The following TTYH1 variants were observed in gnomAD, a reference collection of about 807,000 sequenced individuals.
TTYH1 encodes the protein tweety family member 1.
A neutral mutation model predicts 61.2 loss-of-function variants in TTYH1; 33 were observed. That is an observed-to-expected ratio of 0.54 (90% CI 0.41 to 0.72). TTYH1 has a LOEUF of 0.72. Ranked by LOEUF, TTYH1 falls within the 30% of genes least tolerant of loss-of-function variation. The probability of loss-of-function intolerance (pLI) is 0.00; values close to 1 mark genes in which losing one functional copy is unlikely to be tolerated. For missense variants in TTYH1, 538 were observed against 575.8 expected (o/e 0.93, Z 0.67); for synonymous variants, 308 against 266.4 (o/e 1.16, Z -1.52).
intron 7 of TTYH1, among the ~76,000 whole-genome samples, 157 bp from the exon 8 acceptor site, chr19:54,430,393 G>A (rs1165018885): frequency 6.6e-6 from 1 of 152,208 alleles, no homozygotes; most frequent in East Asian, 1.9e-4. Context: ...GAGCAGAAGG[G>A]ACGCGGGGCT....
chr19:54,417,235 C>T (rs1203741062), intron 1 of TTYH1, among the ~76,000 whole-genome samples: 3 of 150,600 alleles, frequency 2.0e-5, no homozygotes, highest in Non-Finnish European at 4.4e-5. Context: ...TTCCAACACA[C>T]TCACATGCAC....
In TTYH1 at chr19:54,420,141, A is replaced by C. The variant is rs1452695048; in HGVS notation, c.305+835A>C. ...CTTAGGGGGCTTCCAATGTGAACAC[A>C]CCAGCTACCAAGAACGAGCTCTGAG... On this transcript the variant is annotated intron_variant, in intron 2 of 13. Transcript: ENST00000376530. This position sits in a 1 kb window ranked among gnomAD's most constrained non-coding sequence, Gnocchi z 4.8. Among the ~76,000 whole-genome samples the C allele has an allele frequency of 1.3e-5, 2 of 152,130 alleles. No individual in the cohort carries two copies. The highest frequency in any genetic ancestry group is 4.8e-5 in the African/African-American group (2 of 41,424).
chr19:54,420,933 A>C lies in TTYH1; in HGVS notation c.306-344A>C, dbSNP rs1049429745. On this transcript the variant is annotated intron_variant, in intron 2 of 13. Transcript: ENST00000376530. The surrounding 1 kb of genome is among the most constrained non-coding windows in gnomAD (Gnocchi z 4.8). ...TGCGGGGGAAGGGTGTGGGGCAGGC[A>C]GTCCTAGGGAGGGGAAGACGGCCCA... 7.2e-5 allele frequency: 27 copies of C among 372,788 alleles called. No individual in the cohort carries two copies. The highest frequency in any genetic ancestry group is 1.3e-4 in the Non-Finnish European group (25 of 186,812). The allele number at this position is 372,788 out of a possible 1,614,324, so 23.1% of individuals were successfully genotyped here.
Position 54,428,234 on chromosome 19 carries a change from C to T in TTYH1, c.735-1073C>T, listed in dbSNP as rs185696190. The stretch of plus-strand genomic sequence containing the variant: ...CCTCCCAAGTAGCTGGGATTACAGG[C>T]GTATGCCACCAAACCTGTCTAATTT... On this transcript the variant is annotated intron_variant, in intron 5 of 13. Coordinates refer to ENST00000376530, the MANE Select transcript of TTYH1 (RefSeq NM_020659.4). Among the ~76,000 whole-genome samples, 75 of 151,844 alleles carry T rather than the reference C, an allele frequency of 4.9e-4. No homozygotes were observed. In the East Asian group the frequency reaches 8.7e-3, roughly 18 times the overall value.
In TTYH1 at chr19:54,419,965, T is replaced by C. The variant is rs1457692377; in HGVS notation, c.305+659T>C. Reference sequence around the variant, plus strand: ...CTGGTCTAATTCCTTCTCACAATAATGCTGCTGGATTCAGGGGTGTCAGGC... The same window carrying C: ...CTGGTCTAATTCCTTCTCACAATAACGCTGCTGGATTCAGGGGTGTCAGGC... On this transcript the variant is annotated intron_variant, in intron 2 of 13. Coordinates refer to ENST00000376530, the MANE Select transcript of TTYH1 (RefSeq NM_020659.4). This position sits in a 1 kb window ranked among gnomAD's most constrained non-coding sequence, Gnocchi z 6.1. 6.6e-6 allele frequency among the ~76,000 whole-genome samples: 1 copy of C among 152,108 alleles called. No homozygotes were observed. The highest frequency in any genetic ancestry group is 1.5e-5 in the Non-Finnish European group (1 of 68,008).
Position 54,417,513 on chromosome 19 carries a change from C to A in TTYH1, c.127-1615C>A, listed in dbSNP as rs991773578. ...ACATGCATACACTCACATGGATATA[C>A]CCACTTACACATACACAATCACACA... On this transcript the variant is annotated intron_variant, in intron 1 of 13. Coordinates refer to ENST00000376530, the MANE Select transcript of TTYH1 (RefSeq NM_020659.4). Among the ~76,000 whole-genome samples, 5 of 151,950 alleles carry A rather than the reference C, an allele frequency of 3.3e-5. No homozygotes were observed. The South Asian group carries it at 8.3e-4, about 25-fold the overall frequency.
intron 1 of TTYH1, among the ~76,000 whole-genome samples, chr19:54,417,170 T>G (rs1213369069): frequency 6.6e-6 from 1 of 151,326 alleles, no homozygotes; most frequent in Non-Finnish European, 1.5e-5. Context: ...CTTACTCCCA[T>G]TACACACTCA....
chr19:54,428,687 A>G (rs545194434), intron 5 of TTYH1, among the ~76,000 whole-genome samples: 1 of 152,236 alleles, frequency 6.6e-6, no homozygotes, highest in Non-Finnish European at 1.5e-5. Flanking sequence ...GGTGAGGCAG[A>G]GTTGAACCTG....
At chr19:54,427,790 G>C (rs1343095332) in intron 5 of TTYH1, among the ~76,000 whole-genome samples, 2 of 152,106 alleles carry the variant, frequency 1.3e-5, no homozygotes, top group Admixed American at 1.3e-4. Context: ...CTTAAGTGTC[G>C]TGGCAAAGCC....
rs2083168859 is a variant in TTYH1 at position 54,419,781 on chromosome 19, C to T, written c.305+475C>T. ...TCTGTCATTCCGTCATTCACCAGCT[C>T]ATTCATTCGACAACTGTTTATTGAG... On this transcript the variant is annotated intron_variant, in intron 2 of 13. Transcript: ENST00000376530. The surrounding 1 kb of genome is among the most constrained non-coding windows in gnomAD (Gnocchi z 6.1). 1.3e-5 allele frequency among the ~76,000 whole-genome samples: 2 copies of T among 152,172 alleles called. No individual in the cohort carries two copies. The highest frequency in any genetic ancestry group is 2.9e-5 in the Non-Finnish European group (2 of 68,040).
At chr19:54,430,023 C>A in intron 7 of TTYH1, 66 bp downstream of exon 7, 1 of 1,418,668 alleles carries the variant, frequency 7.0e-7, no homozygotes, top group Non-Finnish European at 9.9e-7. Context: ...CCTCAGGCCT[C>A]CTCTGTGCCC....
chr19:54,418,830 G>A (rs911460631), intron 1 of TTYH1: 14 of 352,694 alleles, frequency 4.0e-5, no homozygotes, highest in African/African-American at 1.9e-4. Context: ...ACCCAGGCTC[G>A]GAGAAGGGGC....
At chr19:54,428,644 G>A (rs148556470) in intron 5 of TTYH1, among the ~76,000 whole-genome samples, 49 of 152,302 alleles carry the variant, frequency 3.2e-4, no homozygotes, top group East Asian at 2.1e-3. Context: ...ATTCTCATTG[G>A]AGGAGTCCCT....
intron 11 of TTYH1, 26 bp from the exon 12 acceptor site, chr19:54,435,802 C>G (rs558370131): frequency 6.2e-7 from 1 of 1,613,952 alleles, no homozygotes; most frequent in Admixed American, 1.7e-5. Context: ...TCCCGCCTCT[C>G]TGCCATGCCC....
rs2083083655 is a variant in TTYH1, at chr19:54,416,666, G to A, written c.126+988G>A. ...AGGGGGTCCCAGAAAAGCGCGGAGG[G>A]GATGAGTGCTGTGTTCTGAGCTATT... On this transcript the variant is annotated intron_variant, in intron 1 of 13. Coordinates refer to ENST00000376530, the MANE Select transcript of TTYH1 (RefSeq NM_020659.4). This position sits in a 1 kb window ranked among gnomAD's most constrained non-coding sequence, Gnocchi z 7.0. The A allele has an allele frequency of 2.9e-5, 30 of 1,039,352 alleles. No homozygotes were observed. The South Asian group carries it at 3.9e-4, about 14-fold the overall frequency. The allele number at this position is 1,039,352 out of a possible 1,614,324, so 64.4% of individuals were successfully genotyped here.
chr19:54,430,712 A>T, intron 8 of TTYH1, 101 bp from the exon 9 acceptor site: 1 of 1,578,354 alleles, frequency 6.3e-7, no homozygotes, highest in Non-Finnish European at 8.7e-7. Context: ...GGTTCCGGGG[A>T]GGATGCAGGC....
rs1314247842 is a variant in TTYH1 at position 54,415,695 on chromosome 19, G to A, written c.126+17G>A. 5 of 1,532,636 alleles carry A rather than the reference G, an allele frequency of 3.3e-6. No homozygotes were observed. Among genetic ancestry groups the A allele is most frequent in the African/African-American group, 1.4e-5 (1 of 72,684 alleles). 94.9% of individuals were successfully genotyped at this position (1,532,636 alleles called of 1,614,324 possible). A position where few individuals can be genotyped will look rare whatever the true frequency, so the allele number is the denominator to read the frequency against. On this transcript the variant is annotated intron_variant, in intron 1 of 13. Transcript: ENST00000376530. This position sits in a 1 kb window ranked among gnomAD's most constrained non-coding sequence, Gnocchi z 5.2. ...TACCAGCAGGTGGGACCGGGCGCCA[G>A]GGCCTGGGGGCCAGGGCTGGGGGCC...
Position 54,420,412 on chromosome 19 carries a change from A to G in TTYH1, c.306-865A>G, listed in dbSNP as rs1376146842. On this transcript the variant is annotated intron_variant, in intron 2 of 13. Coordinates refer to ENST00000376530, the MANE Select transcript of TTYH1 (RefSeq NM_020659.4). This position sits in a 1 kb window ranked among gnomAD's most constrained non-coding sequence, Gnocchi z 4.8. ...GCCCCAGCCCCCGCAGCCTGGGAAC[A>G]AGAGGAGCTTTGTAGGACTCTGAAC... Among the ~76,000 whole-genome samples the G allele has an allele frequency of 6.6e-6, 1 of 152,118 alleles. No individual in the cohort carries two copies. Among genetic ancestry groups the G allele is most frequent in the Non-Finnish European group, 1.5e-5 (1 of 67,994 alleles).
rs747758194 is a variant in TTYH1 at position 54,426,726 on chromosome 19, C to T, written c.692C>T (p.Thr231Ile). ...CTGGAGCTGCTGGTCTGCCTCTTCA[C>T]CCTCCTGGGCCTGGCGAAGCAGAGC... ...LLLELLVCLF[T>I]LLGLAKQSKW... Residue 231 changes from threonine (T) to isoleucine (I), a missense_variant, in exon 5 of 14, where the codon ACC (threonine) becomes ATC (isoleucine). By Grantham distance (89) the Thr-to-Ile change is moderately conservative (BLOSUM62 -1). Coordinates refer to ENST00000376530, the MANE Select transcript of TTYH1 (RefSeq NM_020659.4). 6 of 1,614,074 alleles carry T rather than the reference C, an allele frequency of 3.7e-6. No individual in the cohort carries two copies. In the East Asian group the frequency reaches 8.9e-5, roughly 24 times the overall value.
Sources: gnomAD v4.1 joint callset for allele counts (sites outside exome capture counted in the v4.1 genomes callset) on GRCh38, gnomAD v4.1.1 for gene constraint, Gnocchi (gnomAD v3.1) non-coding constraint, MANE v1.5 for transcripts, NCBI Gene and HGNC (gene_info 2026-07-23, HGNC 2026-07-21) for gene names.